The following MS4A13 variants were observed in gnomAD, a reference collection of about 807,000 sequenced individuals.
MS4A13 encodes membrane-spanning 4-domains subfamily A member 13.
A neutral mutation model predicts 18.4 loss-of-function variants in MS4A13; 21 were observed. That is an observed-to-expected ratio of 1.14 (90% CI 0.81 to 1.64). The LOEUF (loss-of-function observed/expected upper bound fraction) is 1.64, where lower values mean the gene tolerates loss of function less well. Ranked by LOEUF, MS4A13 falls within the 40% of genes most tolerant of loss-of-function variation. MS4A13 has a pLI of 0.00. For synonymous variants in MS4A13, 62 were observed against 57.2 expected (o/e 1.08, Z -0.38); for missense variants, 173 against 176.8 (o/e 0.98, Z 0.12).
chr11:60,539,024 A>C (rs1355259666), intron 6 of MS4A13, among the ~76,000 whole-genome samples: 1 of 135,936 alleles, frequency 7.4e-6, no homozygotes, highest in Non-Finnish European at 1.6e-5. Context: ...TTCTGCAAAC[A>C]ACCTGAATGA....
intron 5 of MS4A13, among the ~76,000 whole-genome samples, chr11:60,529,076 C>T (rs189996073): frequency 1.3e-5 from 2 of 152,170 alleles, no homozygotes; most frequent in Middle Eastern, 3.4e-3. Flanking sequence ...GCTGTGCCAG[C>T]GACTCTGTAA....
intron 5 of MS4A13, 84 bp downstream of exon 5, chr11:60,525,410 C>A: frequency 1.1e-6 from 1 of 881,652 alleles, no homozygotes; most frequent in Non-Finnish European, 1.6e-6. Context: ...TAAGATGAGG[C>A]TTTTATTCGT....
At chr11:60,535,408 A>T (rs2086800599) in intron 6 of MS4A13, among the ~76,000 whole-genome samples, 1 of 127,024 alleles carries the variant, frequency 7.9e-6, no homozygotes, top group South Asian at 2.8e-4. Context: ...CTACGCAAAT[A>T]AACTAGAAAA....
intron 5 of MS4A13, among the ~76,000 whole-genome samples, chr11:60,528,747 C>T (rs2086738724): frequency 6.6e-6 from 1 of 152,250 alleles, no homozygotes; most frequent in South Asian, 2.1e-4. Flanking sequence ...ACATAACTAA[C>T]CAATCGGATT....
Position 60,540,196 on chromosome 11 carries a change from C to T in MS4A13, c.403-2323C>T, listed in dbSNP as rs138634503. On this transcript the variant is annotated intron_variant, in intron 6 of 6. Coordinates refer to ENST00000378186, the MANE Select transcript of MS4A13 (RefSeq NM_001012417.3). ...ACATTAATTCCATCTGTCATAACTA[C>T]TCAGCTCCACCTTTTAGCATGAAAG... Among the ~76,000 whole-genome samples, 153 of 152,292 alleles carry T rather than the reference C, an allele frequency of 1.0e-3. No individual in the cohort carries two copies. In the Middle Eastern group the frequency reaches 0.01, roughly 10 times the overall value.
chr11:60,525,278 A>T lies in MS4A13; in HGVS notation c.258A>T (p.Ile86=). Residue 86 remains isoleucine, a synonymous_variant, in exon 5 of 7, where the codon ATA becomes ATT. Transcript: ENST00000378186. The part of the protein sequence containing the change: ...TTITAVTLTI[I]ELSHFNSVSY... ...TTACTGCAGTAACTCTAACAATAAT[A>T]GAGTTGTCTCATTTTAATTCTGTGT... 1 of 1,589,628 alleles carries T rather than the reference A, an allele frequency of 6.3e-7. No individual in the cohort carries two copies. Among genetic ancestry groups the T allele is most frequent in the Non-Finnish European group, 8.6e-7 (1 of 1,160,140 alleles).
At chr11:60,521,686 A>G (rs972969548) in intron 3 of MS4A13, among the ~76,000 whole-genome samples, 4 of 152,104 alleles carry the variant, frequency 2.6e-5, no homozygotes, top group African/African-American at 9.7e-5. Flanking sequence ...GGAGTTCCAA[A>G]CTTTCCCACA....
At chr11:60,527,404 CT>C (rs2086725026) in intron 5 of MS4A13, among the ~76,000 whole-genome samples, 2 of 73,462 alleles carry the variant, frequency 2.7e-5, no homozygotes, top group Non-Finnish European at 5.0e-5. Flanking sequence ...CTCTCTCTCT[CT>C]CTCTCTGTGT....
chr11:60,530,781 T>G (rs185961980), intron 6 of MS4A13, among the ~76,000 whole-genome samples: 2 of 152,306 alleles, frequency 1.3e-5, no homozygotes, highest in Admixed American at 1.3e-4. Flanking sequence ...GGGAGGAAAC[T>G]GGATCATGGG....
intron 5 of MS4A13, among the ~76,000 whole-genome samples, chr11:60,525,856 T>C (rs1029534409): frequency 1.3e-5 from 2 of 151,476 alleles, no homozygotes; most frequent in African/African-American, 4.9e-5. Flanking sequence ...TGAAGATTTT[T>C]ACTGATAACA....
intron 3 of MS4A13, among the ~76,000 whole-genome samples, chr11:60,521,391 C>A (rs985959959): frequency 8.5e-5 from 13 of 152,166 alleles, no homozygotes; most frequent in Non-Finnish European, 1.9e-4. Context: ...GCTGTGCTTG[C>A]CTTATAAAAC....
intron 6 of MS4A13, among the ~76,000 whole-genome samples, chr11:60,540,704 TG>T (rs1339718470): frequency 1.3e-5 from 2 of 152,138 alleles, no homozygotes; most frequent in East Asian, 3.9e-4. Context: ...CCCAGCATTT[TG>T]GGAGGCCAAC....
intron 6 of MS4A13, among the ~76,000 whole-genome samples, chr11:60,532,576 G>T (rs1309451232): frequency 2.0e-5 from 3 of 152,150 alleles, no homozygotes; most frequent in Admixed American, 6.5e-5. Context: ...AAACTGCGAG[G>T]TGGCAGCGAG....
Position 60,516,212 on chromosome 11 carries a change from T to C in MS4A13, c.-13+128T>C, listed in dbSNP as rs1428785465. On this transcript the variant is annotated intron_variant, in intron 2 of 6. Coordinates refer to ENST00000378186, the MANE Select transcript of MS4A13 (RefSeq NM_001012417.3). ...GGGTAAAAGTTTTTTTTTTTTCAAATGTTGATTGTCTTCTACAAATTTTGA... is the reference window on the plus strand; with the variant it reads ...GGGTAAAAGTTTTTTTTTTTTCAAACGTTGATTGTCTTCTACAAATTTTGA... 19 of 151,884 alleles carry C rather than the reference T, an allele frequency of 1.3e-4. 1 individual carries two copies. The allele number at this position is 151,884 out of a possible 1,614,324, so 9.4% of individuals were successfully genotyped here.
downstream of MS4A13, chr11:60,542,755 A>C (rs1234188769): frequency 2.2e-6 from 1 of 455,156 alleles, no homozygotes; most frequent in Non-Finnish European, 4.0e-6. Flanking sequence ...GCTGCAAGGA[A>C]AGTTTTTCCC....
chr11:60,529,287 C>T (rs941312125), intron 5 of MS4A13, 78 bp from the exon 6 acceptor site: 3 of 306,186 alleles, frequency 9.8e-6, no homozygotes, highest in Non-Finnish European at 1.8e-5. Flanking sequence ...ACTCTCATAC[C>T]AGTAGCTCCT....
intron 3 of MS4A13, among the ~76,000 whole-genome samples, chr11:60,520,591 C>T (rs1815010746): frequency 1.3e-5 from 2 of 152,224 alleles, no homozygotes. Context: ...CCTTTGACTC[C>T]ATGTCTCACA....
intron 3 of MS4A13, among the ~76,000 whole-genome samples, chr11:60,521,157 C>G (rs2086671458): frequency 6.6e-6 from 1 of 152,170 alleles, no homozygotes; most frequent in African/African-American, 2.4e-5. Flanking sequence ...TGGGCCCGGC[C>G]CATGAAACCA....
downstream of MS4A13, chr11:60,542,856 C>G: frequency 4.3e-6 from 1 of 232,688 alleles, no homozygotes; most frequent in African/African-American, 2.2e-5. Context: ...TTGTAAGAGA[C>G]TGTAAAAAAG....
Sources: gnomAD v4.1 joint callset for allele counts (sites outside exome capture counted in the v4.1 genomes callset) on GRCh38, gnomAD v4.1.1 for gene constraint, MANE v1.5 for transcripts, NCBI Gene and HGNC (gene_info 2026-07-23, HGNC 2026-07-21) for gene names.